THAP6: variants seen among roughly 807,000 people sequenced by gnomAD.
THAP6 encodes THAP domain-containing protein 6.
A neutral mutation model predicts 20.0 loss-of-function variants in THAP6; 13 were observed. That is an observed-to-expected ratio of 0.65 (90% CI 0.42 to 1.03). THAP6 has a LOEUF of 1.03. Ranked by LOEUF, THAP6 falls within the 50% of genes least tolerant of loss-of-function variation. THAP6 has a pLI of 0.00. For synonymous variants in THAP6, 93 were observed against 92.2 expected (o/e 1.01, Z -0.05); for missense variants, 262 against 261.6 (o/e 1.00, Z -0.01).
chr4:75,528,314 T>C lies in THAP6; in HGVS notation c.*1100T>C. 1 of 985,410 alleles carries C rather than the reference T, an allele frequency of 1.0e-6. No homozygotes were observed. Among genetic ancestry groups the C allele is most frequent in the South Asian group, 4.7e-5 (1 of 21,290 alleles). The allele number at this position is 985,410 out of a possible 1,614,324, so 61.0% of individuals were successfully genotyped here. Reference sequence around the variant, plus strand: ...TTGATCCAAGTCTCATAAATTTAGCTTTTGTCATAATTCCTTACCGAAAAC... The same window carrying C: ...TTGATCCAAGTCTCATAAATTTAGCCTTTGTCATAATTCCTTACCGAAAAC... On this transcript the variant is annotated 3_prime_UTR_variant, in exon 5 of 5. Coordinates refer to ENST00000311638, the MANE Select transcript of THAP6 (RefSeq NM_144721.6).
At chr4:75,541,881 A>T (rs1407306090) in intron 2 of THAP6, among the ~76,000 whole-genome samples, 3 of 151,908 alleles carry the variant, frequency 2.0e-5, no homozygotes, top group African/African-American at 7.2e-5. Context: ...GCTTGAGCGC[A>T]GAGGGGCGGA....
intron 4 of THAP6, among the ~76,000 whole-genome samples, chr4:75,526,256 G>C (rs1726359465): frequency 6.6e-6 from 1 of 151,904 alleles, no homozygotes; most frequent in Non-Finnish European, 1.5e-5. Flanking sequence ...GCCTTGTGTT[G>C]GTTCTTGGAG....
intron 3 of THAP6, among the ~76,000 whole-genome samples, chr4:75,543,483 C>T (rs1026305309): frequency 3.3e-5 from 5 of 152,200 alleles, no homozygotes; most frequent in African/African-American, 1.2e-4. Context: ...AGTCCAAAGA[C>T]AAAATGTGTG....
At chr4:75,532,131 A>G (rs1454284448), downstream of THAP6, among the ~76,000 whole-genome samples, 2 of 152,180 alleles carry the variant, frequency 1.3e-5, no homozygotes, top group South Asian at 4.1e-4. Context: ...CCTTCCGCCT[A>G]TGAGCCTATA....
At chr4:75,526,564 C>T (rs1726382567) in intron 4 of THAP6, among the ~76,000 whole-genome samples, 1 of 152,148 alleles carries the variant, frequency 6.6e-6, no homozygotes, top group African/African-American at 2.4e-5. Context: ...TCCTGTCACA[C>T]CTTATCAAAT....
At chr4:75,545,360 A>T (rs1727102326) in intron 3 of THAP6, among the ~76,000 whole-genome samples, 1 of 152,148 alleles carries the variant, frequency 6.6e-6, no homozygotes, top group Non-Finnish European at 1.5e-5. Context: ...AATCACCAGG[A>T]TGAGGTTAGG....
chr4:75,546,350 G>C (rs1035292706), intron 3 of THAP6, among the ~76,000 whole-genome samples: 3 of 152,212 alleles, frequency 2.0e-5, no homozygotes, highest in African/African-American at 7.2e-5. Context: ...GTCTGTGTTA[G>C]AGGCAGTTCA....
At chr4:75,517,016 CTTTTTT>C in intron 3 of THAP6, 37 bp downstream of exon 3, 57 of 903,482 alleles carry the variant, frequency 6.3e-5, no homozygotes, top group South Asian at 7.8e-5. Context: ...TCATTGCTCA[CTTTTTT>C]TTTTTTTTTT....
chr4:75,518,772 T>G (rs1257405042), intron 3 of THAP6, among the ~76,000 whole-genome samples: 7 of 152,222 alleles, frequency 4.6e-5, no homozygotes, highest in African/African-American at 1.7e-4. Flanking sequence ...TTGTTTAAAA[T>G]ACAGAATCCT....
chr4:75,519,250 A>C (rs1312717094), intron 3 of THAP6, among the ~76,000 whole-genome samples: 1 of 151,284 alleles, frequency 6.6e-6, no homozygotes, highest in Non-Finnish European at 1.5e-5. Context: ...TCATTCTACT[A>C]TTGATAAATG....
chr4:75,532,121 C>A (rs539224337), downstream of THAP6, among the ~76,000 whole-genome samples: 1 of 152,162 alleles, frequency 6.6e-6, no homozygotes, highest in Non-Finnish European at 1.5e-5. Flanking sequence ...AGGGCAATTC[C>A]CTTCCGCCTA....
downstream of THAP6, among the ~76,000 whole-genome samples, chr4:75,533,594 G>C (rs1030077148): frequency 3.3e-5 from 5 of 152,090 alleles, no homozygotes; most frequent in African/African-American, 1.2e-4. Context: ...CCGAGACTGG[G>C]CAATTTACAA....
intron 4 of THAP6, 92 bp downstream of exon 4, chr4:75,521,953 T>G (rs781614937): frequency 1.3e-6 from 2 of 1,487,682 alleles, no homozygotes; most frequent in East Asian, 4.5e-5. Flanking sequence ...CCTAGCAAAA[T>G]CTAGGGGTTA....
chr4:75,533,439 C>T (rs1209779866), downstream of THAP6, among the ~76,000 whole-genome samples: 1 of 152,142 alleles, frequency 6.6e-6, no homozygotes, highest in African/African-American at 2.4e-5. Context: ...GTATCTTCTT[C>T]TGAGCCCTCT....
At chr4:75,518,878 A>G (rs1307528564) in intron 3 of THAP6, among the ~76,000 whole-genome samples, 1 of 152,142 alleles carries the variant, frequency 6.6e-6, no homozygotes, top group African/African-American at 2.4e-5. Context: ...TCACATGTTT[A>G]AGAGAAACCT....
downstream of THAP6, among the ~76,000 whole-genome samples, chr4:75,530,498 A>G (rs1726647453): frequency 6.6e-6 from 1 of 152,220 alleles, no homozygotes; most frequent in African/African-American, 2.4e-5. Context: ...TCTGGAGCAC[A>G]TGTGCTTTAT....
At chr4:75,521,460 A>C (rs186932399) in intron 3 of THAP6, among the ~76,000 whole-genome samples, 1 of 152,082 alleles carries the variant, frequency 6.6e-6, no homozygotes, top group African/African-American at 2.4e-5. Context: ...TCCTAACAAA[A>C]GAACACACTG....
Position 75,540,070 on chromosome 4 carries a change from TC to T in THAP6, c.166-2337del, listed in dbSNP as rs552916345. ...ATTTCAATCACCATCCTCCTCTTCA[TC>T]CTCTCACTCCAATACTGACAAGCCA... On this transcript the variant is annotated intron_variant, in intron 2 of 4. Coordinates refer to the THAP6 transcript ENST00000502620. The T allele has an allele frequency of 1.2e-4, 153 of 1,245,330 alleles. 2 individuals are homozygous for T. The South Asian group carries it at 2.1e-3, about 17-fold the overall frequency. The allele number at this position is 1,245,330 out of a possible 1,614,324, so 77.1% of individuals were successfully genotyped here.
chr4:75,529,786 C>G lies in THAP6; in HGVS notation c.*2572C>G. 1.0e-6 allele frequency: 1 copy of G among 985,342 alleles called. No homozygotes were observed. The highest frequency in any genetic ancestry group is 1.2e-6 in the Non-Finnish European group (1 of 829,916). 61.0% of individuals were successfully genotyped at this position (985,342 alleles called of 1,614,324 possible). On this transcript the variant is annotated 3_prime_UTR_variant, in exon 5 of 5. Transcript: ENST00000311638. ...TAATACAACAGTTCAACCTCAGCACCAAGTCAGGTACGAAGCGCTTGATAC... is the reference window on the plus strand; with the variant it reads ...TAATACAACAGTTCAACCTCAGCACGAAGTCAGGTACGAAGCGCTTGATAC...
Sources: gnomAD v4.1 joint callset for allele counts (sites outside exome capture counted in the v4.1 genomes callset) on GRCh38, gnomAD v4.1.1 for gene constraint, MANE v1.5 for transcripts, NCBI Gene and HGNC (gene_info 2026-07-23, HGNC 2026-07-21) for gene names.